The following TXNDC16 variants were observed in gnomAD, a reference collection of about 807,000 sequenced individuals.
TXNDC16 encodes thioredoxin domain-containing protein 16.
TXNDC16 carries 74 observed loss-of-function variants against 85.6 expected under a neutral mutation model. The observed-to-expected ratio is 0.86, with a 90% CI of 0.72 to 1.05. The LOEUF is 1.05. TXNDC16 is among the 50% of genes least tolerant of loss of function. TXNDC16 has a pLI of 0.00. For synonymous variants in TXNDC16, 335 were observed against 326.5 expected, an observed-to-expected ratio of 1.03 and a Z score of -0.28; for missense variants, 959 against 947.0, an observed-to-expected ratio of 1.01 and a Z score of -0.17.
chr14:52,451,492 T>C (rs1168618823), intron 18 of TXNDC16, among the ~76,000 whole-genome samples: 2 of 152,110 alleles, frequency 1.3e-5, no homozygotes, highest in African/African-American at 4.8e-5. Flanking sequence ...AAAAAGATCA[T>C]TGATCATGTC....
intron 14 of TXNDC16, among the ~76,000 whole-genome samples, chr14:52,479,372 T>A (rs1481951342): frequency 6.6e-6 from 1 of 152,118 alleles, no homozygotes; most frequent in Non-Finnish European, 1.5e-5. Flanking sequence ...GAAGTCAAAC[T>A]GTTGCTGTTT....
intron 6 of TXNDC16, among the ~76,000 whole-genome samples, chr14:52,534,295 C>G (rs1458651051): frequency 6.6e-6 from 1 of 152,216 alleles, no homozygotes; most frequent in African/African-American, 2.4e-5. Flanking sequence ...CTTCTAACCT[C>G]TATGACAAGC....
At chr14:52,483,244 T>C (rs1280518267) in intron 12 of TXNDC16, among the ~76,000 whole-genome samples, 1 of 152,178 alleles carries the variant, frequency 6.6e-6, no homozygotes, top group Non-Finnish European at 1.5e-5. Flanking sequence ...ATTTTGCCTC[T>C]ACTATATGCC....
chr14:52,520,527 A>G (rs1004978841), intron 6 of TXNDC16, among the ~76,000 whole-genome samples: 7 of 152,014 alleles, frequency 4.6e-5, no homozygotes, highest in Non-Finnish European at 1.0e-4. Flanking sequence ...GGAGAATGGC[A>G]TGAACCCGGG....
chr14:52,520,048 G>A (rs1232322281), intron 6 of TXNDC16, among the ~76,000 whole-genome samples: 2 of 152,046 alleles, frequency 1.3e-5, no homozygotes, highest in Non-Finnish European at 2.9e-5. Flanking sequence ...ATACAGCCTA[G>A]TACACTATAT....
chr14:52,546,354 C>A (rs1483578894), intron 1 of TXNDC16, among the ~76,000 whole-genome samples: 1 of 152,110 alleles, frequency 6.6e-6, no homozygotes, highest in Non-Finnish European at 1.5e-5. Flanking sequence ...GTGATGAGTA[C>A]CTTCAGAGAA....
intron 8 of TXNDC16, among the ~76,000 whole-genome samples, chr14:52,514,667 A>G (rs538789903): frequency 6.6e-6 from 1 of 152,208 alleles, no homozygotes; most frequent in East Asian, 1.9e-4. Flanking sequence ...TCGTTACCTT[A>G]GTCTAACATC....
Position 52,542,439 on chromosome 14 carries a change from A to G in TXNDC16, c.175T>C (p.Ser59Pro), listed in dbSNP as rs1290700939. 1.9e-6 allele frequency: 3 copies of G among 1,611,908 alleles called. No homozygotes were observed. Among genetic ancestry groups the G allele is most frequent in the Non-Finnish European group, 2.5e-6 (3 of 1,178,646 alleles). Residue 59 changes from serine to proline, a missense_variant, in exon 4 of 21, where the codon TCT (serine) becomes CCT (proline). Transcript: ENST00000281741. The part of the protein sequence containing the change: ...YFCQADSPRT[S>P]VFLEELNEAV... ...TCATTCAGTTCTTCAAGAAATACAG[A>G]TGTTCTTGGGGAATCTAAAACAACA...
At chr14:52,435,032 G>A (rs895301481) in intron 20 of TXNDC16, among the ~76,000 whole-genome samples, 1 of 152,210 alleles carries the variant, frequency 6.6e-6, no homozygotes, top group African/African-American at 2.4e-5. Context: ...TTCCTTGCAG[G>A]AAAGGATCTT....
chr14:52,530,295 T>TA (rs1566582029), intron 6 of TXNDC16, among the ~76,000 whole-genome samples: 6 of 57,650 alleles, frequency 1.0e-4, no homozygotes, highest in East Asian at 7.7e-4. Context: ...AATTATTATA[T>TA]ATAATATTAA....
intron 4 of TXNDC16, among the ~76,000 whole-genome samples, 182 bp downstream of exon 4, chr14:52,542,189 T>A (rs1195108096): frequency 1.3e-5 from 2 of 152,206 alleles, no homozygotes; most frequent in African/African-American, 4.8e-5. Context: ...CCCCTCTATA[T>A]GCAGTATGTT....
rs147560802 is a variant in TXNDC16, at chr14:52,552,331, G to A, written c.-197C>T. 4.9e-3 allele frequency: 747 copies of A among 152,400 alleles called. 1 individual carries two copies. Among genetic ancestry groups the A allele is most frequent in the Non-Finnish European group, 7.6e-3 (520 of 68,144 alleles). 9.4% of individuals were successfully genotyped at this position (152,400 alleles called of 1,614,324 possible). ...TGTCACCTACCTGCCCGGGACCTGCGGGCGGGGACCTGGGCCGTTCCCGAG... is the reference window on the plus strand; with the variant it reads ...TGTCACCTACCTGCCCGGGACCTGCAGGCGGGGACCTGGGCCGTTCCCGAG... On this transcript the variant is annotated 5_prime_UTR_variant, in exon 1 of 21. Coordinates refer to ENST00000281741, the MANE Select transcript of TXNDC16 (RefSeq NM_020784.3).
At chr14:52,525,289 A>ATTTTAGAGCACTGGG (rs1335213057) in intron 6 of TXNDC16, among the ~76,000 whole-genome samples, 1 of 152,138 alleles carries the variant, frequency 6.6e-6, no homozygotes, top group Non-Finnish European at 1.5e-5. Flanking sequence ...AATCCGTAAC[A>ATTTTAGAGCACTGGG]CATTATTTTC....
At chr14:52,465,388 C>T (rs898693228) in intron 16 of TXNDC16, among the ~76,000 whole-genome samples, 3 of 151,832 alleles carry the variant, frequency 2.0e-5, no homozygotes, top group South Asian at 2.1e-4. Context: ...GTGAGGAGAT[C>T]GAGACCATCC....
chr14:52,499,419 C>T (rs1594732033), intron 9 of TXNDC16, among the ~76,000 whole-genome samples: 1 of 151,774 alleles, frequency 6.6e-6, no homozygotes, highest in East Asian at 1.9e-4. Flanking sequence ...ACAGAGAACC[C>T]CCATAATTCA....
chr14:52,493,216 T>TATATATATATATATACAC, intron 9 of TXNDC16, among the ~76,000 whole-genome samples: 43 of 115,984 alleles, frequency 3.7e-4, no homozygotes, highest in African/African-American at 1.4e-3. Context: ...TATATATATA[T>TATATATATATATATACAC]ACACACACAC....
chr14:52,476,134 T>C (rs1474558999), intron 14 of TXNDC16, among the ~76,000 whole-genome samples: 1 of 151,790 alleles, frequency 6.6e-6, no homozygotes, highest in East Asian at 1.9e-4. Context: ...AGGGAAAGAG[T>C]ACTACATCAA....
Position 52,432,486 on chromosome 14 carries a change from TG to T in TXNDC16, c.2295del (p.Lys766SerfsTer3). 6.2e-7 allele frequency: 1 copy of T among 1,614,042 alleles called. No individual in the cohort carries two copies. Among genetic ancestry groups the T allele is most frequent in the Non-Finnish European group, 8.5e-7 (1 of 1,179,960 alleles). ...ATSQRGTRKV[P>X]KCMKETDVQE... is the part of the protein sequence containing the mutation. The stretch of plus-strand genomic sequence containing the variant: ...TGCACATCTGTTTCTTTCATACACT[TG>T]GGAACTTTCCTAGTGCCACGTTGAG... On this transcript the variant is annotated frameshift_variant, in exon 21 of 21. Coordinates refer to ENST00000281741, the MANE Select transcript of TXNDC16 (RefSeq NM_020784.3). LOFTEE classifies it low-confidence loss of function (END_TRUNC).
intron 9 of TXNDC16, among the ~76,000 whole-genome samples, chr14:52,495,025 C>T (rs951313213): frequency 6.6e-6 from 1 of 152,094 alleles, no homozygotes; most frequent in Non-Finnish European, 1.5e-5. Context: ...TTTGAGAATC[C>T]GTGTAGTTAA....
Sources: gnomAD v4.1 joint callset for allele counts (sites outside exome capture counted in the v4.1 genomes callset) on GRCh38, gnomAD v4.1.1 for gene constraint, MANE v1.5 for transcripts, NCBI Gene and HGNC (gene_info 2026-07-23, HGNC 2026-07-21) for gene names.